KAZN: variants seen among roughly 807,000 people sequenced by gnomAD.
The protein encoded by KAZN is kazrin, periplakin interacting protein.
KAZN carries 40 observed loss-of-function variants against 87.4 expected under a neutral mutation model. The ratio of observed to expected loss-of-function variants is 0.46; its 90% confidence interval spans 0.36 to 0.60. KAZN has a LOEUF of 0.60. Ranked by LOEUF, KAZN falls within the 20% of genes least tolerant of loss-of-function variation. KAZN has a pLI of 0.00. For missense variants in KAZN, 898 were observed against 1,073.9 expected (o/e 0.84, Z 2.29); for synonymous variants, 466 against 458.3 (o/e 1.02, Z -0.22).
chr1:14,684,956 A>T (rs1640869643), intron 1 of KAZN, among the ~76,000 whole-genome samples: 1 of 152,236 alleles, frequency 6.6e-6, no homozygotes, highest in Non-Finnish European at 1.5e-5. Context: ...ACAGGCTACC[A>T]CAGATGGGAT....
At chr1:14,374,720 C>T (rs1228868016) in intron 2 of KAZN, among the ~76,000 whole-genome samples, 1 of 152,140 alleles carries the variant, frequency 6.6e-6, no homozygotes, top group East Asian at 1.9e-4. Flanking sequence ...GATTCCTGGT[C>T]AGGACCGCGG....
intron 2 of KAZN, among the ~76,000 whole-genome samples, chr1:14,382,586 G>A (rs1015734471): frequency 1.1e-4 from 16 of 148,106 alleles, no homozygotes; most frequent in South Asian, 2.3e-4. Context: ...TTTTGTTCTC[G>A]CGATAGTTTA....
chr1:14,867,056 C>G (rs1311869033), intron 1 of KAZN, among the ~76,000 whole-genome samples: 1 of 151,924 alleles, frequency 6.6e-6, no homozygotes, highest in Non-Finnish European at 1.5e-5. Flanking sequence ...GGACTGCTGA[C>G]CTTGCAATGC....
At chr1:14,043,750 C>T (rs6657363) in intron 1 of KAZN, among the ~76,000 whole-genome samples, 84,151 of 151,870 alleles carry the variant, frequency 0.55, 23,627 homozygotes, top group East Asian at 0.7. Context: ...CACATCAACT[C>T]GGAGGGAGGT....
intron 1 of KAZN, among the ~76,000 whole-genome samples, chr1:14,658,276 T>C (rs2148709701): frequency 6.6e-6 from 1 of 152,308 alleles, no homozygotes; most frequent in South Asian, 2.1e-4. Context: ...GTGAAGATCA[T>C]AACTAGGAGG....
In KAZN at chr1:14,307,736, G is replaced by A. The variant is rs140288571; in HGVS notation, c.249+127144G>A. ...CTCATATACAAAGAGGCAGTAACGCGTAGTGGGTCGCAACCACAGGATGCT... is the reference window on the plus strand; with the variant it reads ...CTCATATACAAAGAGGCAGTAACGCATAGTGGGTCGCAACCACAGGATGCT... On this transcript the variant is annotated intron_variant, in intron 2 of 16. Coordinates refer to the KAZN transcript ENST00000636203. Among the ~76,000 whole-genome samples, 450 of 152,322 alleles carry A rather than the reference G, an allele frequency of 3.0e-3. 4 individuals are homozygous for A. The highest frequency in any genetic ancestry group is 0.01 in the African/African-American group (429 of 41,576).
intron 2 of KAZN, among the ~76,000 whole-genome samples, chr1:14,353,225 CTTTT>C (rs34074015): frequency 4.4e-5 from 6 of 137,654 alleles, no homozygotes; most frequent in African/African-American, 5.4e-5. Context: ...GATGACATCA[CTTTT>C]TTTTTTTTTT....
At chr1:15,093,160 GGT>G (rs1404162542) in intron 8 of KAZN, among the ~76,000 whole-genome samples, 2 of 152,100 alleles carry the variant, frequency 1.3e-5, no homozygotes, top group African/African-American at 4.8e-5. Context: ...AGGTACCGCA[GGT>G]CTCTGTGGAG....
chr1:14,772,541 A>G (rs1572442252), intron 1 of KAZN, among the ~76,000 whole-genome samples: 1 of 148,808 alleles, frequency 6.7e-6, no homozygotes, highest in African/African-American at 2.5e-5. Context: ...AAAAAAAAAG[A>G]GACCCCTCTT....
At chr1:14,269,201 G>A (rs1419666059) in intron 2 of KAZN, among the ~76,000 whole-genome samples, 1 of 152,046 alleles carries the variant, frequency 6.6e-6, no homozygotes, top group Non-Finnish European at 1.5e-5. Context: ...CAATTTCATG[G>A]TTTTCCAAAG....
chr1:14,494,007 C>T (rs1218975866), intron 2 of KAZN, among the ~76,000 whole-genome samples: 1 of 152,312 alleles, frequency 6.6e-6, no homozygotes, highest in East Asian at 1.9e-4. Context: ...CTCCTTGGGC[C>T]ATGTCTTCTG....
intron 1 of KAZN, among the ~76,000 whole-genome samples, chr1:14,765,054 AC>A (rs572848427): frequency 4.7e-4 from 71 of 152,274 alleles, no homozygotes; most frequent in African/African-American, 1.7e-3. Context: ...AGGCTCCAAG[AC>A]TAGTGCTTCT....
At chr1:14,180,636 C>T (rs1646177508) in intron 2 of KAZN, 1 of 1,502,112 alleles carries the variant, frequency 6.7e-7, no homozygotes, top group Admixed American at 2.3e-5. Flanking sequence ...AAGGTGGAAT[C>T]TTTTTTTCTT....
intron 1 of KAZN, among the ~76,000 whole-genome samples, chr1:14,946,832 A>AC (rs1661860479): frequency 2.6e-5 from 4 of 152,332 alleles, no homozygotes; most frequent in African/African-American, 9.6e-5. Context: ...CTCATGGTAT[A>AC]GCCAGTGGCC....
chr1:14,311,929 G>A (rs1262610669), intron 2 of KAZN, among the ~76,000 whole-genome samples: 2 of 152,238 alleles, frequency 1.3e-5, no homozygotes, highest in East Asian at 3.9e-4. Flanking sequence ...GAAAGTAAAT[G>A]CCTAGATACA....
chr1:14,953,997 G>A (rs1052080800), intron 1 of KAZN, among the ~76,000 whole-genome samples: 1 of 152,222 alleles, frequency 6.6e-6, no homozygotes, highest in African/African-American at 2.4e-5. Flanking sequence ...AAAGGAGATG[G>A]GCTGCAGAAG....
At chr1:14,910,662 G>A (rs1557612157) in intron 1 of KAZN, among the ~76,000 whole-genome samples, 2 of 152,174 alleles carry the variant, frequency 1.3e-5, no homozygotes, top group Non-Finnish European at 2.9e-5. Flanking sequence ...AGACGCTGCA[G>A]AGGAGGGCTC....
intron 2 of KAZN, among the ~76,000 whole-genome samples, chr1:14,396,071 G>A (rs1464229548): frequency 6.6e-6 from 1 of 150,802 alleles, no homozygotes; most frequent in African/African-American, 2.4e-5. Context: ...AGGAGGCTGA[G>A]GCAAGAGAAT....
At chr1:14,472,208 G>C (rs1299848398) in intron 2 of KAZN, among the ~76,000 whole-genome samples, 1 of 152,078 alleles carries the variant, frequency 6.6e-6, no homozygotes, top group East Asian at 1.9e-4. Flanking sequence ...CTGTACTACG[G>C]ACACATTGTA....
Sources: allele counts gnomAD v4.1 joint callset (sites outside exome capture counted in the v4.1 genomes callset), GRCh38; gene constraint gnomAD v4.1.1; transcripts MANE v1.5; gene names NCBI Gene and HGNC (gene_info 2026-07-23, HGNC 2026-07-21).